The following NREP variants were observed in gnomAD, a reference collection of about 807,000 sequenced individuals.
The protein encoded by NREP is neuronal regeneration related protein, also known as neuronal regeneration-related protein.
NREP carries 5 observed loss-of-function variants against 8.6 expected under a neutral mutation model. The ratio of observed to expected loss-of-function variants is 0.58; its 90% CI spans 0.30 to 1.22. The LOEUF is 1.22. Among genes scored for constraint, NREP ranks in the 50% most tolerant of loss-of-function variants. The pLI, the probability that NREP is intolerant of heterozygous loss-of-function variation, is 0.07. For synonymous variants in NREP, 27 were observed against 28.0 expected (o/e 0.96, Z 0.11); for missense variants, 86 against 82.5 (o/e 1.04, Z -0.17).
chr5:111,822,001 T>C (rs759297795), intron 2 of NREP, among the ~76,000 whole-genome samples: 1 of 152,202 alleles, frequency 6.6e-6, no homozygotes, highest in Non-Finnish European at 1.5e-5. Flanking sequence ...TGTATATATA[T>C]TTTAAGTAAA....
At chr5:111,791,092 T>A (rs1235798210) in intron 2 of NREP, among the ~76,000 whole-genome samples, 1 of 152,194 alleles carries the variant, frequency 6.6e-6, no homozygotes, top group African/African-American at 2.4e-5. Flanking sequence ...ATTGCTTTTG[T>A]AATTGACAAA....
intron 1 of NREP, among the ~76,000 whole-genome samples, chr5:111,976,066 C>T (rs1756952001): frequency 6.6e-6 from 1 of 152,086 alleles, no homozygotes; most frequent in African/African-American, 2.4e-5. Flanking sequence ...TATAGATTAA[C>T]TATGTTGTAT....
At chr5:111,946,143 TA>T (rs887382908) in intron 2 of NREP, among the ~76,000 whole-genome samples, 4 of 151,404 alleles carry the variant, frequency 2.6e-5, no homozygotes, top group African/African-American at 9.7e-5. Flanking sequence ...CAGGATAATC[TA>T]ATAATATAGA....
At chr5:111,962,063 T>C (rs1756494573) in intron 2 of NREP, among the ~76,000 whole-genome samples, 1 of 152,206 alleles carries the variant, frequency 6.6e-6, no homozygotes, top group Non-Finnish European at 1.5e-5. Context: ...GCAGGATTCG[T>C]GCTCTAGCAG....
chr5:111,812,670 A>T (rs1165390793), intron 2 of NREP, among the ~76,000 whole-genome samples: 1 of 152,156 alleles, frequency 6.6e-6, no homozygotes, highest in Non-Finnish European at 1.5e-5. Flanking sequence ...TGGGACCCTT[A>T]ACATTCTCTA....
intron 2 of NREP, chr5:111,948,871 G>A (rs1447412061): frequency 6.6e-6 from 1 of 152,016 alleles, no homozygotes; most frequent in East Asian, 1.9e-4. Context: ...GAACAAGAAA[G>A]TCACCTAACT....
intron 2 of NREP, among the ~76,000 whole-genome samples, chr5:111,772,644 C>T (rs1445424487): frequency 1.3e-5 from 2 of 151,952 alleles, no homozygotes; most frequent in Non-Finnish European, 2.9e-5. Flanking sequence ...GCCCCTCCCC[C>T]GAGACACCAA....
At chr5:111,775,527 A>G (rs921397143) in intron 2 of NREP, among the ~76,000 whole-genome samples, 13 of 152,162 alleles carry the variant, frequency 8.5e-5, no homozygotes, top group African/African-American at 3.1e-4. Flanking sequence ...GTGCCTGCCA[A>G]TTACTTTTAT....
At chr5:111,950,426 C>G (rs1015962838) in intron 2 of NREP, among the ~76,000 whole-genome samples, 3 of 152,032 alleles carry the variant, frequency 2.0e-5, no homozygotes, top group Non-Finnish European at 4.4e-5. Context: ...AAATGTGAAA[C>G]CCAAAACCTT....
At chr5:111,945,398 C>T (rs1755948724) in intron 2 of NREP, among the ~76,000 whole-genome samples, 1 of 151,494 alleles carries the variant, frequency 6.6e-6, no homozygotes, top group African/African-American at 2.4e-5. Context: ...CGTCATTTAA[C>T]ATTAGGTATA....
intron 2 of NREP, among the ~76,000 whole-genome samples, chr5:111,871,927 G>GTA (rs779011142): frequency 2.0e-3 from 297 of 149,284 alleles, no homozygotes; most frequent in Non-Finnish European, 2.8e-3. Flanking sequence ...TTCAGTGTGT[G>GTA]TATATATATC....
intron 2 of NREP, among the ~76,000 whole-genome samples, chr5:111,774,107 T>C (rs1272987403): frequency 6.6e-6 from 1 of 152,090 alleles, no homozygotes; most frequent in African/African-American, 2.4e-5. Flanking sequence ...AGAAACATCA[T>C]TGAACTAATT....
intron 3 of NREP, among the ~76,000 whole-genome samples, chr5:111,731,396 G>C (rs1364217913): frequency 7.1e-6 from 1 of 141,490 alleles, no homozygotes; most frequent in African/African-American, 2.7e-5. Flanking sequence ...CTGGGTGATT[G>C]ATAGATACTC....
Position 111,729,937 on chromosome 5 carries a change from G to T in NREP, c.*984C>A, listed in dbSNP as rs1378110004. The T allele has an allele frequency of 6.6e-6, 1 of 152,486 alleles. No homozygotes were observed. The highest frequency in any genetic ancestry group is 2.4e-5 in the African/African-American group (1 of 41,382). 9.4% of individuals were successfully genotyped at this position (152,486 alleles called of 1,614,324 possible). A position where few individuals can be genotyped will look rare whatever the true frequency, so the allele number is the denominator to read the frequency against. ...AGTGTTTTGGGTTTTTTTCCAGGGGGAGTTTATTTAAAACGGTTTTGCTCT... is the reference window on the plus strand; with the variant it reads ...AGTGTTTTGGGTTTTTTTCCAGGGGTAGTTTATTTAAAACGGTTTTGCTCT... On this transcript the variant is annotated 3_prime_UTR_variant, in exon 4 of 4. Transcript: ENST00000257435.
At chr5:111,897,863 T>C (rs998267063) in intron 2 of NREP, among the ~76,000 whole-genome samples, 1 of 152,152 alleles carries the variant, frequency 6.6e-6, no homozygotes, top group Non-Finnish European at 1.5e-5. Flanking sequence ...AAATTACCCA[T>C]ATTCTCACTA....
At chr5:111,957,592 G>C (rs1254482336) in intron 2 of NREP, among the ~76,000 whole-genome samples, 1 of 106,112 alleles carries the variant, frequency 9.4e-6, no homozygotes, top group Admixed American at 1.0e-4. Flanking sequence ...ACCAAACCAA[G>C]ATAGAGTACA....
intron 2 of NREP, among the ~76,000 whole-genome samples, chr5:111,782,868 G>A (rs1751525188): frequency 6.6e-6 from 1 of 152,004 alleles, no homozygotes; most frequent in South Asian, 2.1e-4. Context: ...CCGAGTAGCT[G>A]TGATTACAGT....
rs76687404 is a variant in NREP, at chr5:111,828,895, A to G, written c.136-93388T>C. On this transcript the variant is annotated intron_variant, in intron 2 of 3. Transcript: ENST00000395634. Reference sequence around the variant, plus strand: ...TCAGGAAGGTCACAGCCTGGTGGACAGCACAGATAATAGGCATTACACAAA... The same window carrying G: ...TCAGGAAGGTCACAGCCTGGTGGACGGCACAGATAATAGGCATTACACAAA... Among the ~76,000 whole-genome samples, 23 of 152,340 alleles carry G rather than the reference A, an allele frequency of 1.5e-4. No homozygotes were observed. In the East Asian group the frequency reaches 4.2e-3, roughly 28 times the overall value.
chr5:111,963,993 A>G (rs1421166789), intron 2 of NREP, among the ~76,000 whole-genome samples: 1 of 152,262 alleles, frequency 6.6e-6, no homozygotes, highest in Non-Finnish European at 1.5e-5. Context: ...AATAATAATA[A>G]TGCAAGCACT....
Sources: gnomAD v4.1 joint callset for allele counts (sites outside exome capture counted in the v4.1 genomes callset) on GRCh38, gnomAD v4.1.1 for gene constraint, MANE v1.5 for transcripts, NCBI Gene and HGNC (gene_info 2026-07-23, HGNC 2026-07-21) for gene names.